The following PARD3B variants were observed in gnomAD, a reference collection of about 807,000 sequenced individuals.
The protein encoded by PARD3B is par-3 family cell polarity regulator beta, also known as partitioning defective 3 homolog B.
In PARD3B, 103 loss-of-function variants were observed where a neutral mutation model predicts 130.2. The observed-to-expected ratio is 0.79, with a 90% CI of 0.67 to 0.93. The LOEUF (loss-of-function observed/expected upper bound fraction) is 0.93. Among genes scored for constraint, PARD3B ranks in the 40% least tolerant of loss-of-function variants. The pLI is 0.00. For missense variants in PARD3B, 1,609 were observed against 1,499.2 expected (o/e 1.07, Z -1.21); for synonymous variants, 583 against 553.2 (o/e 1.05, Z -0.76).
chr2:204,740,852 C>G (rs1238066308), intron 2 of PARD3B, among the ~76,000 whole-genome samples: 1 of 152,078 alleles, frequency 6.6e-6, no homozygotes, highest in Non-Finnish European at 1.5e-5. Context: ...TAGAACATGT[C>G]CCAATATTGT....
At chr2:205,270,080 A>G (rs187846145) in intron 16 of PARD3B, among the ~76,000 whole-genome samples, 4 of 152,298 alleles carry the variant, frequency 2.6e-5, no homozygotes, top group African/African-American at 9.6e-5. Context: ...TTCACATTGC[A>G]TGCATGTATG....
intron 2 of PARD3B, among the ~76,000 whole-genome samples, chr2:204,875,986 C>T (rs2045827139): frequency 6.6e-6 from 1 of 152,142 alleles, no homozygotes; most frequent in South Asian, 2.1e-4. Context: ...TCTGGATCCA[C>T]TCCTTCACTG....
intron 22 of PARD3B, among the ~76,000 whole-genome samples, chr2:205,553,957 T>C (rs2052766280): frequency 6.6e-6 from 1 of 152,212 alleles, no homozygotes. Context: ...CACCCTGGCC[T>C]GACATGATCC....
chr2:205,432,608 T>G (rs2047377086), intron 19 of PARD3B, among the ~76,000 whole-genome samples: 1 of 152,170 alleles, frequency 6.6e-6, no homozygotes, highest in African/African-American at 2.4e-5. Flanking sequence ...TCTTCAAGCC[T>G]TTTATTTTAT....
intron 1 of PARD3B, among the ~76,000 whole-genome samples, chr2:204,585,066 G>A (rs963527048): frequency 2.6e-5 from 4 of 152,196 alleles, no homozygotes; most frequent in African/African-American, 9.6e-5. Flanking sequence ...TGTCTGATGG[G>A]AGCCAAGACT....
At chr2:204,830,622 T>C (rs1241910008) in intron 2 of PARD3B, among the ~76,000 whole-genome samples, 1 of 152,168 alleles carries the variant, frequency 6.6e-6, no homozygotes, top group Non-Finnish European at 1.5e-5. Context: ...GACTAAGAAA[T>C]GCTATAAGAC....
intron 19 of PARD3B, among the ~76,000 whole-genome samples, chr2:205,433,456 C>T (rs1029442890): frequency 1.3e-4 from 20 of 149,238 alleles, no homozygotes; most frequent in Admixed American, 9.5e-4. Flanking sequence ...CACCTGAACC[C>T]GGGCAGTGGA....
chr2:205,083,915 T>C (rs2125520068), intron 4 of PARD3B, among the ~76,000 whole-genome samples: 1 of 152,274 alleles, frequency 6.6e-6, no homozygotes, highest in African/African-American at 2.4e-5. Flanking sequence ...ATAATTTTAC[T>C]TTAATACTGC....
At chr2:204,773,374 T>A (rs1457833937) in intron 2 of PARD3B, among the ~76,000 whole-genome samples, 1 of 151,694 alleles carries the variant, frequency 6.6e-6, no homozygotes, top group African/African-American at 2.4e-5. Flanking sequence ...CAATATATAT[T>A]TGCAAATATT....
chr2:205,502,762 T>C (rs1374852285), intron 21 of PARD3B, among the ~76,000 whole-genome samples: 1 of 152,174 alleles, frequency 6.6e-6, no homozygotes, highest in Non-Finnish European at 1.5e-5. Context: ...ATAATGAGAA[T>C]AATCACTTGA....
intron 4 of PARD3B, among the ~76,000 whole-genome samples, chr2:205,074,776 G>A (rs189651210): frequency 3.0e-4 from 46 of 152,176 alleles, no homozygotes; most frequent in African/African-American, 6.0e-4. Flanking sequence ...TTTCACAGGC[G>A]CTCAAAAGAA....
At chr2:204,734,552 A>G (rs2039661481) in intron 2 of PARD3B, among the ~76,000 whole-genome samples, 1 of 152,182 alleles carries the variant, frequency 6.6e-6, no homozygotes, top group Admixed American at 6.5e-5. Context: ...ATATCTATAC[A>G]GTGGAATTCT....
Position 204,654,037 on chromosome 2 carries a change from G to A in PARD3B, c.121-32144G>A, listed in dbSNP as rs1158623580. Among the ~76,000 whole-genome samples the A allele has an allele frequency of 1.3e-5, 2 of 151,150 alleles. 1 individual carries two copies. The highest frequency in any genetic ancestry group is 4.9e-5 in the African/African-American group (2 of 40,456). The stretch of plus-strand genomic sequence containing the variant: ...AACTTCTGCAATAAAAATTCCTCTT[G>A]TGTGTCTTCATTGGCTACTGCATCT... On this transcript the variant is annotated intron_variant, in intron 1 of 22. Coordinates refer to ENST00000406610, the MANE Select transcript of PARD3B (RefSeq NM_001302769.2).
Position 205,592,302 on chromosome 2 carries a change from G to C in PARD3B, c.3261-23154G>C, listed in dbSNP as rs577834278. ...TCATTGGAATTGCTGTACGCCTTGG[G>C]AGCTTGGTCATTAGGCAACAAGCAA... On this transcript the variant is annotated intron_variant, in intron 22 of 22. Transcript: ENST00000406610. The surrounding 1 kb of genome is among the most constrained non-coding windows in gnomAD (Gnocchi z 4.5). 1.3e-5 allele frequency among the ~76,000 whole-genome samples: 2 copies of C among 152,316 alleles called. No individual in the cohort carries two copies. The highest frequency in any genetic ancestry group is 2.9e-5 in the Non-Finnish European group (2 of 68,036).
intron 3 of PARD3B, among the ~76,000 whole-genome samples, chr2:205,003,354 T>G (rs1001480375): frequency 6.6e-6 from 1 of 152,104 alleles, no homozygotes; most frequent in African/African-American, 2.4e-5. Flanking sequence ...AATTAGGAGA[T>G]GGACTTTTTT....
chr2:205,156,087 AAAT>A (rs1308163030), intron 10 of PARD3B, among the ~76,000 whole-genome samples: 1 of 152,082 alleles, frequency 6.6e-6, no homozygotes, highest in East Asian at 1.9e-4. Flanking sequence ...CAGCCATAAA[AAAT>A]GATGAGTTAA....
rs1470814999 is a variant in PARD3B at position 205,269,010 on chromosome 2, C to A, written c.2185+23188C>A. On this transcript the variant is annotated intron_variant, in intron 16 of 22. Coordinates refer to ENST00000406610, the MANE Select transcript of PARD3B (RefSeq NM_001302769.2). The surrounding 1 kb of genome is among the most constrained non-coding windows in gnomAD (Gnocchi z 4.7). ...ATTCATTTTTCAAAAACCTGTGAAG[C>A]TCAAAGAATAGGTATTATTCCATTT... is the stretch of plus-strand genomic sequence containing the variant. Among the ~76,000 whole-genome samples the A allele has an allele frequency of 1.3e-5, 2 of 152,040 alleles. No individual in the cohort carries two copies.
intron 2 of PARD3B, among the ~76,000 whole-genome samples, chr2:204,918,825 A>G (rs546220289): frequency 1.3e-5 from 2 of 151,272 alleles, no homozygotes; most frequent in South Asian, 4.2e-4. Flanking sequence ...GCCATTGCCC[A>G]TGTTCTATCT....
chr2:204,612,749 C>T (rs1227750868), intron 1 of PARD3B, among the ~76,000 whole-genome samples: 1 of 150,592 alleles, frequency 6.6e-6, no homozygotes, highest in East Asian at 2.0e-4. Flanking sequence ...CATGCCCCAC[C>T]CACCCCTCCC....
Sources: gnomAD v4.1 joint callset for allele counts (sites outside exome capture counted in the v4.1 genomes callset) on GRCh38, gnomAD v4.1.1 for gene constraint, Gnocchi (gnomAD v3.1) non-coding constraint, MANE v1.5 for transcripts, NCBI Gene and HGNC (gene_info 2026-07-23, HGNC 2026-07-21) for gene names.